MINK1: variants seen among roughly 807,000 people sequenced by gnomAD.
The protein encoded by MINK1 is misshapen like kinase 1, also known as misshapen-like kinase 1.
MINK1 carries 46 observed loss-of-function variants against 178.4 expected under a neutral mutation model. That is an observed-to-expected ratio of 0.26 (90% CI 0.20 to 0.33). The LOEUF (loss-of-function observed/expected upper bound fraction) is 0.33. MINK1 is among the 10% of genes least tolerant of loss of function. The pLI is 1.00. For missense variants in MINK1, 1,366 were observed against 1,814.9 expected (o/e 0.75, Z 4.49); for synonymous variants, 797 against 709.7 (o/e 1.12, Z -1.96).
At chr17:4,875,997 A>C (rs1216423510) in intron 1 of MINK1, among the ~76,000 whole-genome samples, 1 of 151,764 alleles carries the variant, frequency 6.6e-6, no homozygotes, top group African/African-American at 2.4e-5. Flanking sequence ...GGGTTTCACC[A>C]TGTTAGCCAG....
intron 1 of MINK1, among the ~76,000 whole-genome samples, chr17:4,870,201 T>G (rs1915685169): frequency 6.6e-6 from 1 of 150,748 alleles, no homozygotes; most frequent in African/African-American, 2.4e-5. Context: ...CATGAGTCAC[T>G]GCGCCCGGCC....
intron 1 of MINK1, among the ~76,000 whole-genome samples, chr17:4,848,368 G>T (rs1911360378): frequency 6.6e-6 from 1 of 152,080 alleles, no homozygotes; most frequent in Non-Finnish European, 1.5e-5. Flanking sequence ...CAGTGTTTGG[G>T]GGTATTTTTT....
chr17:4,871,133 G>T, intron 1 of MINK1: 1 of 266,810 alleles, frequency 3.7e-6, no homozygotes, highest in South Asian at 2.8e-5. Context: ...CATCCATGTT[G>T]CAACATCTAG....
In MINK1 at chr17:4,887,272, G is replaced by A. The variant is rs1027737961; in HGVS notation, c.1019+93G>A. On this transcript the variant is annotated intron_variant, in intron 11 of 31. Transcript: ENST00000355280. This position sits in a 1 kb window ranked among gnomAD's most constrained non-coding sequence, Gnocchi z 7.6. ...GGCTTTGGGGACTCTCAGCCTGGGG[G>A]TGGTGGGCACAGAGAGGTAGAGACT... The A allele has an allele frequency of 3.8e-6, 5 of 1,323,924 alleles. No homozygotes were observed. Among genetic ancestry groups the A allele is most frequent in the Non-Finnish European group, 5.3e-6 (5 of 944,514 alleles). The allele number at this position is 1,323,924 out of a possible 1,614,324, so 82.0% of individuals were successfully genotyped here.
At chr17:4,847,285 C>T in intron 1 of MINK1, 1 of 454,592 alleles carries the variant, frequency 2.2e-6, no homozygotes, top group Non-Finnish European at 4.4e-6. Flanking sequence ...CTCGCTCAGG[C>T]TGGAATGCAG....
At chr17:4,837,494 G>C (rs1909488759) in intron 1 of MINK1, among the ~76,000 whole-genome samples, 1 of 152,194 alleles carries the variant, frequency 6.6e-6, no homozygotes, top group African/African-American at 2.4e-5. Flanking sequence ...AAACAGTTCT[G>C]GAAGCCTCCA....
At chr17:4,856,557 C>A (rs1030573497) in intron 1 of MINK1, among the ~76,000 whole-genome samples, 2 of 152,140 alleles carry the variant, frequency 1.3e-5, no homozygotes, top group African/African-American at 2.4e-5. Flanking sequence ...GCAATGGGAA[C>A]CTCCATGACG....
chr17:4,835,340 TG>T (rs1297505293), intron 1 of MINK1, among the ~76,000 whole-genome samples: 1 of 151,808 alleles, frequency 6.6e-6, no homozygotes, highest in African/African-American at 2.4e-5. Flanking sequence ...AAAAAATGGG[TG>T]GGTCAGGCCG....
At chr17:4,874,687 A>T (rs935875405) in intron 1 of MINK1, among the ~76,000 whole-genome samples, 1 of 152,128 alleles carries the variant, frequency 6.6e-6, no homozygotes, top group East Asian at 1.9e-4. Context: ...CTATTGAAAC[A>T]TGGAGCATCT....
At chr17:4,862,375 C>T (rs1914291394) in intron 1 of MINK1, among the ~76,000 whole-genome samples, 1 of 152,040 alleles carries the variant, frequency 6.6e-6, no homozygotes, top group South Asian at 2.1e-4. Flanking sequence ...GGTGTGTGGG[C>T]CAGGCACGGT....
rs913956824 is a variant in MINK1 at position 4,838,977 on chromosome 17, A to G, written c.57+5337A>G. Among the ~76,000 whole-genome samples, 8 of 148,706 alleles carry G rather than the reference A, an allele frequency of 5.4e-5. No individual in the cohort carries two copies. The South Asian group carries it at 1.3e-3, about 24-fold the overall frequency. ...TTTTTTTTTTGAGACGCAGTCTCGC[A>G]CTGTCGCCCAGGCTGGAGTGCAGTG... On this transcript the variant is annotated intron_variant, in intron 1 of 31. Transcript: ENST00000355280.
Position 4,887,813 on chromosome 17 carries a change from A to AG in MINK1, c.1230+25dup. ...GAGGTGGGCTGTCTCCGAAGGGCCC[A>AG]GGCCTGGCGCGGCCTCCTCCTGACC... is the stretch of plus-strand genomic sequence containing the variant. On this transcript the variant is annotated intron_variant, in intron 12 of 31. Coordinates refer to ENST00000355280, the MANE Select transcript of MINK1 (RefSeq NM_153827.5). The surrounding 1 kb of genome is among the most constrained non-coding windows in gnomAD (Gnocchi z 7.6). The AG allele has an allele frequency of 6.8e-7, 1 of 1,464,238 alleles. No individual in the cohort carries two copies. Among genetic ancestry groups the AG allele is most frequent in the Non-Finnish European group, 9.0e-7 (1 of 1,106,612 alleles). 90.7% of individuals were successfully genotyped at this position (1,464,238 alleles called of 1,614,324 possible). A position where few individuals can be genotyped will look rare whatever the true frequency, so the allele number is the denominator to read the frequency against.
rs769137208 is a variant in MINK1, at chr17:4,895,543, C to T, written c.3229+50C>T. The T allele has an allele frequency of 6.4e-7, 1 of 1,552,610 alleles. No homozygotes were observed. The highest frequency in any genetic ancestry group is 8.7e-7 in the Non-Finnish European group (1 of 1,145,774). Reference sequence around the variant, plus strand: ...GGAGGAGGGGCTCAGCTCCTTGGCGCTGTCACCATCTTCTGCCTGGGAGGA... The same window carrying T: ...GGAGGAGGGGCTCAGCTCCTTGGCGTTGTCACCATCTTCTGCCTGGGAGGA... On this transcript the variant is annotated intron_variant, in intron 26 of 31. Coordinates refer to ENST00000355280, the MANE Select transcript of MINK1 (RefSeq NM_153827.5). The surrounding 1 kb of genome is among the most constrained non-coding windows in gnomAD (Gnocchi z 4.3).
At chr17:4,845,484 T>C (rs1164786043) in intron 1 of MINK1, among the ~76,000 whole-genome samples, 1 of 152,022 alleles carries the variant, frequency 6.6e-6, no homozygotes, top group Admixed American at 6.6e-5. Context: ...TGTAACAGCA[T>C]TTCTGTATTA....
rs527920701 is a variant in MINK1, at chr17:4,880,576, A to C, written c.124-408A>C. On this transcript the variant is annotated intron_variant, in intron 2 of 31. Coordinates refer to ENST00000355280, the MANE Select transcript of MINK1 (RefSeq NM_153827.5). ...TGTTGGGATTACAGGCATGAGCCAC[A>C]GCGCCCGGCTGAGGGGCACTTTGTA... is the stretch of plus-strand genomic sequence containing the variant. Among the ~76,000 whole-genome samples the C allele has an allele frequency of 1.6e-3, 234 of 146,292 alleles. 2 individuals carry two copies. The highest frequency in any genetic ancestry group is 0.012 in the Admixed American group (184 of 14,844).
intron 1 of MINK1, among the ~76,000 whole-genome samples, chr17:4,866,360 G>A (rs1009836836): frequency 7.2e-5 from 11 of 151,824 alleles, no homozygotes; most frequent in Admixed American, 5.9e-4. Flanking sequence ...CCAGCTACTC[G>A]GGAGGCTGAG....
intron 1 of MINK1, among the ~76,000 whole-genome samples, chr17:4,866,992 G>A (rs1915080910): frequency 6.7e-6 from 1 of 150,270 alleles, no homozygotes; most frequent in Non-Finnish European, 1.5e-5. Flanking sequence ...ACAATGGCGT[G>A]AACCCGGGAG....
In MINK1 at chr17:4,892,862, G is replaced by A. The variant is rs147614638; in HGVS notation, c.2311+94G>A. ...TGGCTTTGGACTGGGGCACCCACAC[G>A]GACAGGGAGGACCTGTGTGGGTATG... On this transcript the variant is annotated intron_variant, in intron 19 of 31. Transcript: ENST00000355280. 2.3e-5 allele frequency: 32 copies of A among 1,374,046 alleles called. 1 individual carries two copies. In the South Asian group the frequency reaches 2.5e-4, roughly 11 times the overall value. The allele number at this position is 1,374,046 out of a possible 1,614,324, so 85.1% of individuals were successfully genotyped here.
intron 1 of MINK1, chr17:4,856,880 CTGTT>C (rs921065414): frequency 1.2e-5 from 2 of 161,872 alleles, no homozygotes; most frequent in African/African-American, 4.8e-5. Flanking sequence ...GCGTGTCAGG[CTGTT>C]TGTTCCGGAA....
Sources: allele counts gnomAD v4.1 joint callset (sites outside exome capture counted in the v4.1 genomes callset), GRCh38; gene constraint gnomAD v4.1.1; non-coding constraint Gnocchi (gnomAD v3.1); transcripts MANE v1.5; gene names NCBI Gene and HGNC (gene_info 2026-07-23, HGNC 2026-07-21).